The following GPHN variants were observed in gnomAD, a reference collection of about 807,000 sequenced individuals.
The protein encoded by GPHN is gephyrin.
Under a neutral mutation model 95.5 loss-of-function variants are expected in GPHN, and 17 were observed. That is an observed-to-expected ratio of 0.18 (90% CI 0.12 to 0.27). The LOEUF is 0.27. Ranked by LOEUF, GPHN falls within the 10% of genes least tolerant of loss-of-function variation. GPHN has a pLI of 1.00. For synonymous variants in GPHN, 320 were observed against 322.5 expected (o/e 0.99, Z 0.08); for missense variants, 660 against 978.1 (o/e 0.67, Z 4.34).
chr14:66,656,456 C>T (rs780361042), intron 1 of GPHN, among the ~76,000 whole-genome samples: 3 of 151,880 alleles, frequency 2.0e-5, no homozygotes, highest in Non-Finnish European at 2.9e-5. Flanking sequence ...CTGTTTCTTT[C>T]GTGATGTGGG....
At chr14:67,301,309 T>TAAAAAATATGACCCTGCATAC in the GPHN span, 1 of 706,800 alleles carries the variant, frequency 1.4e-6, no homozygotes, top group South Asian at 2.9e-5. Context: ...AATTTGTACT[T>TAAAAAATATGACCCTGCATAC]AAAAAATATG....
chr14:66,568,631 A>G (rs867101780), intron 1 of GPHN, among the ~76,000 whole-genome samples: 2 of 152,122 alleles, frequency 1.3e-5, no homozygotes, highest in Non-Finnish European at 2.9e-5. Context: ...TAGCAATTGA[A>G]CTTTAAATAC....
chr14:67,713,582 C>CA, the GPHN span, among the ~76,000 whole-genome samples: 868 of 152,148 alleles, frequency 5.7e-3, 1 homozygote, highest in Non-Finnish European at 9.4e-3. Flanking sequence ...GGAGATTTGT[C>CA]AAAGGTCAGG....
At chr14:67,120,433 C>G (rs2078956593) in intron 16 of GPHN, among the ~76,000 whole-genome samples, 1 of 151,768 alleles carries the variant, frequency 6.6e-6, no homozygotes, top group Non-Finnish European at 1.5e-5. Context: ...AATCCCACAC[C>G]CTCATTTAAC....
the GPHN span, chr14:67,347,552 A>C: frequency 3.9e-6 from 4 of 1,029,916 alleles, no homozygotes; most frequent in Non-Finnish European, 5.8e-6. Flanking sequence ...CCGAGGCTGG[A>C]ATGCAATGGC....
At chr14:67,677,363 A>ATTTTTTTTTTTTTTTTTTT in the GPHN span, 2 of 31,978 alleles carry the variant, frequency 6.3e-5, no homozygotes, top group Non-Finnish European at 1.0e-4. Context: ...TGTTTTTAGG[A>ATTTTTTTTTTTTTTTTTTT]TTTTTTTTTT....
At chr14:67,338,992 CTT>C in the GPHN span, among the ~76,000 whole-genome samples, 193 of 131,110 alleles carry the variant, frequency 1.5e-3, 1 homozygote, top group African/African-American at 4.7e-3. Flanking sequence ...AGACAGAAGC[CTT>C]TTTTTTTTTT....
intron 1 of GPHN, among the ~76,000 whole-genome samples, chr14:66,665,046 C>G (rs2065873877): frequency 6.7e-6 from 1 of 148,420 alleles, no homozygotes; most frequent in South Asian, 2.1e-4. Flanking sequence ...CTGAATTCTA[C>G]CAAATGTACA....
intron 3 of GPHN, among the ~76,000 whole-genome samples, chr14:66,812,444 CAATT>C (rs2060801757): frequency 6.6e-6 from 1 of 152,122 alleles, no homozygotes; most frequent in Non-Finnish European, 1.5e-5. Context: ...AAAAGATAAT[CAATT>C]GAGACTAACC....
chr14:67,642,426 G>A, the GPHN span: 1 of 1,554,752 alleles, frequency 6.4e-7, no homozygotes. Context: ...TCATAACTTA[G>A]CTTCTTTATC....
intron 1 of GPHN, among the ~76,000 whole-genome samples, chr14:66,652,871 C>T (rs542595162): frequency 1.3e-5 from 2 of 152,256 alleles, no homozygotes; most frequent in Non-Finnish European, 2.9e-5. Context: ...ATATGAAGAG[C>T]CTTTGGGAAT....
intron 3 of GPHN, among the ~76,000 whole-genome samples, chr14:66,813,723 G>A (rs1259204982): frequency 6.6e-6 from 1 of 152,192 alleles, no homozygotes; most frequent in Admixed American, 6.5e-5. Flanking sequence ...TCCCATAAGA[G>A]ACTTTAGTCC....
chr14:67,367,689 T>C, the GPHN span, among the ~76,000 whole-genome samples: 4 of 152,068 alleles, frequency 2.6e-5, no homozygotes, highest in Non-Finnish European at 4.4e-5. Context: ...ATACAAAAAT[T>C]AGCTGGGCGT....
chr14:67,439,565 C>CTTTATTTT, the GPHN span, among the ~76,000 whole-genome samples: 1 of 124,474 alleles, frequency 8.0e-6, no homozygotes, highest in African/African-American at 4.4e-5. Flanking sequence ...TTCTTTCTTT[C>CTTTATTTT]TTTCTTTCTT....
the GPHN span, among the ~76,000 whole-genome samples, chr14:67,536,290 A>G: frequency 1.3e-5 from 2 of 151,894 alleles, no homozygotes; most frequent in East Asian, 3.9e-4. Flanking sequence ...GTCCCTGTGT[A>G]CACTCACACC....
chr14:67,070,715 A>AAAAAAAAATATATATATATATATATAT lies in GPHN; in HGVS notation c.1144+11930_1144+11931insAAAAAAATATATATATATATATATATA. ...ATCTCAAAAAAAAAAAAAAAAAAAA[A>AAAAAAAAATATATATATATATATATAT]ATATATATATATATCCAATCAGCAT... is the stretch of plus-strand genomic sequence containing the variant. On this transcript the variant is annotated intron_variant, in intron 11 of 22. Coordinates refer to ENST00000478722, the MANE Select transcript of GPHN (RefSeq NM_020806.5). Among the ~76,000 whole-genome samples the AAAAAAAAATATATATATATATATATAT allele has an allele frequency of 5.0e-5, 4 of 80,696 alleles. No individual in the cohort carries two copies. In the African/African-American group the frequency reaches 5.0e-4, roughly 10 times the overall value. The allele number at this position is 80,696 out of a possible 152,430, so 52.9% of individuals were successfully genotyped here. A position where few individuals can be genotyped will look rare whatever the true frequency, so the allele number is the denominator to read the frequency against.
chr14:67,472,595 A>AAGGAGGTG, the GPHN span: 1 of 152,322 alleles, frequency 6.6e-6, no homozygotes, highest in South Asian at 2.1e-4. Context: ...GAAGGGCTGC[A>AAGGAGGTG]AGGGGGTGAG....
At chr14:67,153,511 A>T (rs2081402822) in intron 18 of GPHN, among the ~76,000 whole-genome samples, 1 of 152,104 alleles carries the variant, frequency 6.6e-6, no homozygotes, top group Admixed American at 6.5e-5. Flanking sequence ...CTCCACCCTC[A>T]TCACCTAATT....
chr14:66,673,510 G>A (rs190064986), intron 1 of GPHN, among the ~76,000 whole-genome samples: 270 of 152,248 alleles, frequency 1.8e-3, no homozygotes, highest in African/African-American at 5.2e-3. Flanking sequence ...TCTCTTCCAC[G>A]CAGTGTATGC....
Sources: gnomAD v4.1 joint callset for allele counts (sites outside exome capture counted in the v4.1 genomes callset) on GRCh38, gnomAD v4.1.1 for gene constraint, MANE v1.5 for transcripts, NCBI Gene and HGNC (gene_info 2026-07-23, HGNC 2026-07-21) for gene names.